The following RANBP2 variants were observed in gnomAD, a reference collection of about 807,000 sequenced individuals.
The protein encoded by RANBP2 is RAN binding protein 2.
Under a neutral mutation model 303.6 loss-of-function variants are expected in RANBP2, and 57 were observed. The ratio of observed to expected loss-of-function variants is 0.19; its 90% CI spans 0.15 to 0.23. The LOEUF is 0.23. Ranked by LOEUF, RANBP2 falls within the 10% of genes least tolerant of loss-of-function variation. The pLI, the probability that RANBP2 is intolerant of heterozygous loss-of-function variation, is 1.00. For missense variants in RANBP2, 3,138 were observed against 3,780.8 expected, an observed-to-expected ratio of 0.83 and a Z score of 4.46; for synonymous variants, 1,167 against 1,301.5, an observed-to-expected ratio of 0.90 and a Z score of 2.23.
chr2:108,809,284 G>A, the RANBP2 span, among the ~76,000 whole-genome samples: 3 of 152,104 alleles, frequency 2.0e-5, no homozygotes, highest in Non-Finnish European at 2.9e-5. Flanking sequence ...GCACAGGATC[G>A]CTTTCGCTTA....
chr2:109,147,301 A>G, the RANBP2 span, among the ~76,000 whole-genome samples: 1 of 152,096 alleles, frequency 6.6e-6, no homozygotes, highest in Non-Finnish European at 1.5e-5. Flanking sequence ...CTCTCTCTCT[A>G]TCAGAGGCAC....
the RANBP2 span, among the ~76,000 whole-genome samples, chr2:109,457,116 C>T: frequency 3.3e-5 from 5 of 152,300 alleles, no homozygotes; most frequent in African/African-American, 1.2e-4. Context: ...GAAATGGGGA[C>T]GATAGCACCT....
chr2:109,265,386 A>G, the RANBP2 span, among the ~76,000 whole-genome samples: 2 of 152,354 alleles, frequency 1.3e-5, no homozygotes, highest in African/African-American at 4.8e-5. Flanking sequence ...TTCTCCTCAC[A>G]GTTTATCAGA....
the RANBP2 span, chr2:109,127,197 TCCAGGGACTAGCATC>T: frequency 6.6e-6 from 1 of 152,212 alleles, no homozygotes; most frequent in African/African-American, 2.4e-5. Flanking sequence ...AAGCAAAGTT[TCCAGGGACTAGCATC>T]CTGATATAAG....
the RANBP2 span, among the ~76,000 whole-genome samples, chr2:109,311,931 A>T: frequency 6.6e-6 from 1 of 152,154 alleles, no homozygotes; most frequent in Non-Finnish European, 1.5e-5. Flanking sequence ...GATGAGATGG[A>T]GTCACAGATT....
the RANBP2 span, among the ~76,000 whole-genome samples, chr2:109,505,929 C>G: frequency 6.6e-6 from 1 of 152,326 alleles, no homozygotes; most frequent in South Asian, 2.1e-4. Context: ...CAGGCCGTCC[C>G]AGCCAGCTTG....
At chr2:109,041,461 T>C in the RANBP2 span, among the ~76,000 whole-genome samples, 1 of 152,164 alleles carries the variant, frequency 6.6e-6, no homozygotes, top group Non-Finnish European at 1.5e-5. Context: ...CTTTATTTGA[T>C]TAGCATGTTA....
the RANBP2 span, chr2:109,615,701 C>G: frequency 1.2e-6 from 2 of 1,613,916 alleles, no homozygotes; most frequent in Non-Finnish European, 1.7e-6. Flanking sequence ...ACGGGGAAAG[C>G]GCCGCGGGTA....
the RANBP2 span, among the ~76,000 whole-genome samples, chr2:108,842,108 G>GC: frequency 3.3e-5 from 5 of 152,022 alleles, 1 homozygote; most frequent in Admixed American, 3.3e-4. Context: ...GATCACTGCA[G>GC]CCTCCAGCTC....
At chr2:108,756,795 C>T (rs935721126) in intron 17 of RANBP2, among the ~76,000 whole-genome samples, 9 of 152,184 alleles carry the variant, frequency 5.9e-5, no homozygotes, top group Non-Finnish European at 1.0e-4. Context: ...GAGAGAATTA[C>T]TGAAGCCAGT....
the RANBP2 span, among the ~76,000 whole-genome samples, chr2:109,000,419 G>A: frequency 6.6e-6 from 1 of 152,008 alleles, no homozygotes; most frequent in African/African-American, 2.4e-5. Flanking sequence ...CCCAGCTATC[G>A]GGAGGCTGAG....
chr2:108,855,347 A>G, the RANBP2 span, among the ~76,000 whole-genome samples: 12 of 152,224 alleles, frequency 7.9e-5, no homozygotes, highest in Non-Finnish European at 1.2e-4. Flanking sequence ...TATAGTATTC[A>G]ACCTGTTTAA....
chr2:109,254,264 A>G, the RANBP2 span, among the ~76,000 whole-genome samples: 2 of 152,078 alleles, frequency 1.3e-5, no homozygotes, highest in Admixed American at 1.3e-4. Context: ...GTTTTTCTAG[A>G]GTTTTTAGCA....
the RANBP2 span, among the ~76,000 whole-genome samples, chr2:109,355,557 C>T: frequency 6.6e-6 from 1 of 152,304 alleles, no homozygotes; most frequent in Admixed American, 6.5e-5. Flanking sequence ...TTCTAGAAAA[C>T]GTTCCTGACC....
the RANBP2 span, among the ~76,000 whole-genome samples, chr2:109,641,217 C>T: frequency 9.9e-5 from 15 of 152,088 alleles, no homozygotes; most frequent in Non-Finnish European, 1.9e-4. Context: ...TGGCTCACTG[C>T]AACCTCTGTC....
At chr2:109,558,190 T>C in the RANBP2 span, among the ~76,000 whole-genome samples, 1 of 152,326 alleles carries the variant, frequency 6.6e-6, no homozygotes, top group East Asian at 1.9e-4. Flanking sequence ...TCTCAGATGC[T>C]CATGTCATCA....
At chr2:109,443,794 T>C in the RANBP2 span, among the ~76,000 whole-genome samples, 73 of 152,312 alleles carry the variant, frequency 4.8e-4, no homozygotes, top group Middle Eastern at 3.4e-3. Context: ...AATCTACAAT[T>C]ATGGTCAGAG....
chr2:108,772,863 T>C lies in RANBP2; in HGVS notation c.8114-5T>C. On this transcript the variant is annotated splice_region_variant and splice_polypyrimidine_tract_variant and intron_variant, in intron 22 of 28. Coordinates refer to ENST00000283195, the MANE Select transcript of RANBP2 (RefSeq NM_006267.5). ...TCGTTTGCTTGTGTTGTACTGATTT[T>C]TCAGATAATGAGAAAGAATGTATTA... is the stretch of plus-strand genomic sequence containing the variant. 6.2e-7 allele frequency: 1 copy of C among 1,613,506 alleles called. No homozygotes were observed. Among genetic ancestry groups the C allele is most frequent in the African/African-American group, 1.3e-5 (1 of 75,014 alleles).
chr2:109,043,125 A>G, the RANBP2 span, among the ~76,000 whole-genome samples: 1 of 152,200 alleles, frequency 6.6e-6, no homozygotes, highest in Non-Finnish European at 1.5e-5. Flanking sequence ...AGTTTTGCCC[A>G]CAAGCATCTA....
Sources: gnomAD v4.1 joint callset for allele counts (sites outside exome capture counted in the v4.1 genomes callset) on GRCh38, gnomAD v4.1.1 for gene constraint, MANE v1.5 for transcripts, NCBI Gene and HGNC (gene_info 2026-07-23, HGNC 2026-07-21) for gene names.